UTRN: variants seen among roughly 807,000 people sequenced by gnomAD.
UTRN encodes the protein utrophin.
A neutral mutation model predicts 463.9 loss-of-function variants in UTRN; 283 were observed. The observed-to-expected ratio is 0.61, with a 90% CI of 0.55 to 0.67. UTRN has a LOEUF of 0.67. Ranked by LOEUF, UTRN falls within the 30% of genes least tolerant of loss-of-function variation. The probability of loss-of-function intolerance (pLI) is 0.00; values close to 1 mark genes in which losing one functional copy is unlikely to be tolerated. For missense variants in UTRN, 3,922 were observed against 4,084.3 expected (o/e 0.96, Z 1.08); for synonymous variants, 1,442 against 1,431.5 (o/e 1.01, Z -0.17).
At chr6:144,341,772 A>G (rs1464583045) in intron 2 of UTRN, among the ~76,000 whole-genome samples, 1 of 152,242 alleles carries the variant, frequency 6.6e-6, no homozygotes, top group Non-Finnish European at 1.5e-5. Flanking sequence ...TCATTTCCTT[A>G]CCAGTTTTCA....
At chr6:144,707,224 T>G (rs1346866469) in intron 53 of UTRN, among the ~76,000 whole-genome samples, 28 of 152,182 alleles carry the variant, frequency 1.8e-4, no homozygotes, top group Admixed American at 1.8e-3. Flanking sequence ...ATCTAAGATT[T>G]TTTTCACCCC....
At chr6:144,384,494 C>T (rs1222502827) in intron 2 of UTRN, among the ~76,000 whole-genome samples, 3 of 152,126 alleles carry the variant, frequency 2.0e-5, no homozygotes, top group African/African-American at 7.2e-5. Flanking sequence ...CTGCCCCGCC[C>T]ATGGAAAAAT....
chr6:144,537,227 G>C (rs995967033), intron 43 of UTRN, among the ~76,000 whole-genome samples: 1 of 151,932 alleles, frequency 6.6e-6, no homozygotes, highest in Admixed American at 6.6e-5. Context: ...TATTATTTTA[G>C]ATAAAGACAT....
intron 14 of UTRN, 53 bp downstream of exon 14, chr6:144,444,435 C>G: frequency 1.4e-6 from 2 of 1,380,372 alleles, no homozygotes; most frequent in Non-Finnish European, 9.9e-7. Context: ...AGTAACCCAT[C>G]TTTTATTGTG....
At chr6:144,550,291 G>A (rs960367590) in intron 47 of UTRN, among the ~76,000 whole-genome samples, 2 of 152,134 alleles carry the variant, frequency 1.3e-5, no homozygotes, top group Non-Finnish European at 1.5e-5. Context: ...TCTACAAAAC[G>A]GGTGAATTTG....
chr6:144,477,800 T>G (rs1791391899), intron 25 of UTRN, among the ~76,000 whole-genome samples: 1 of 152,156 alleles, frequency 6.6e-6, no homozygotes, highest in South Asian at 2.1e-4. Context: ...ACTGGGGTTT[T>G]TGAGGAAATA....
chr6:144,511,653 A>C (rs1381869658), intron 35 of UTRN, among the ~76,000 whole-genome samples: 2 of 152,198 alleles, frequency 1.3e-5, no homozygotes, highest in Admixed American at 6.5e-5. Context: ...AGCCTTAAAC[A>C]TGTAGTGCTC....
intron 23 of UTRN, among the ~76,000 whole-genome samples, chr6:144,466,052 A>C (rs1234676042): frequency 6.6e-6 from 1 of 152,256 alleles, no homozygotes. Context: ...AGCTAATATT[A>C]ACAGTGGATC....
chr6:144,768,961 T>TG lies in UTRN; in HGVS notation c.8496-2946_8496-2945insG, dbSNP rs201902444. Among the ~76,000 whole-genome samples, 127 of 150,564 alleles carry TG rather than the reference T, an allele frequency of 8.4e-4. 1 individual carries two copies. The East Asian group carries it at 0.019, about 23-fold the overall frequency. On this transcript the variant is annotated intron_variant, in intron 58 of 74. Transcript: ENST00000367545. ...ACTTTGTTTTTTGTTTTGTTTTGTT[T>TG]TTTTTTTTTTAATTTTATTCTTGGA...
intron 25 of UTRN, 28 bp from the exon 26 acceptor site, chr6:144,479,784 A>C: frequency 6.3e-7 from 1 of 1,597,596 alleles, no homozygotes; most frequent in Non-Finnish European, 8.5e-7. Flanking sequence ...ACATTTGTTT[A>C]TTTGGGGGAA....
intron 51 of UTRN, among the ~76,000 whole-genome samples, chr6:144,638,264 A>G (rs1777393182): frequency 6.6e-6 from 1 of 152,238 alleles, no homozygotes; most frequent in South Asian, 2.1e-4. Flanking sequence ...AGTGCTCATT[A>G]TACTCGGAAG....
chr6:144,319,499 A>C (rs75804266), intron 2 of UTRN, among the ~76,000 whole-genome samples: 1 of 152,182 alleles, frequency 6.6e-6, no homozygotes, highest in African/African-American at 2.4e-5. Context: ...AGCCTAGTAC[A>C]TTTTCTGGTA....
At chr6:144,775,197 T>G (rs1219655268) in intron 60 of UTRN, among the ~76,000 whole-genome samples, 1 of 152,186 alleles carries the variant, frequency 6.6e-6, no homozygotes. Flanking sequence ...TGAAAAATGA[T>G]ATGTTAAGGT....
chr6:144,791,000 C>T lies in UTRN; in HGVS notation c.8920+1721C>T, dbSNP rs565547078. On this transcript the variant is annotated intron_variant, in intron 62 of 74. Coordinates refer to ENST00000367545, the MANE Select transcript of UTRN (RefSeq NM_007124.3). ...TGAAATTTCTGATATTTAATTGAATCCAGGAAGTATGCCATTTTAGAACTA... is the reference window on the plus strand; with the variant it reads ...TGAAATTTCTGATATTTAATTGAATTCAGGAAGTATGCCATTTTAGAACTA... Among the ~76,000 whole-genome samples the T allele has an allele frequency of 5.9e-3, 892 of 152,248 alleles. 6 individuals carry two copies. The highest frequency in any genetic ancestry group is 0.019 in the African/African-American group (772 of 41,558).
At chr6:144,591,140 T>A (rs1325461018) in intron 51 of UTRN, among the ~76,000 whole-genome samples, 2 of 152,148 alleles carry the variant, frequency 1.3e-5, no homozygotes, top group Non-Finnish European at 2.9e-5. Context: ...ATCTCTGAAG[T>A]AACCCTTACA....
At chr6:144,355,661 T>G (rs1190260266) in intron 2 of UTRN, among the ~76,000 whole-genome samples, 1 of 152,202 alleles carries the variant, frequency 6.6e-6, no homozygotes, top group Non-Finnish European at 1.5e-5. Context: ...TAGAATAATT[T>G]TACATTTATA....
At chr6:144,457,757 C>A (rs1370070552) in intron 19 of UTRN, among the ~76,000 whole-genome samples, 1 of 152,158 alleles carries the variant, frequency 6.6e-6, no homozygotes, top group African/African-American at 2.4e-5. Flanking sequence ...GTTGCATTGT[C>A]TGTGGATCAT....
At chr6:144,596,350 A>C (rs1198765639) in intron 51 of UTRN, among the ~76,000 whole-genome samples, 7 of 152,204 alleles carry the variant, frequency 4.6e-5, no homozygotes, top group Non-Finnish European at 8.8e-5. Flanking sequence ...GTGAGAGTAG[A>C]GTTTTCCTGT....
chr6:144,396,630 G>C (rs1007206906), intron 2 of UTRN, among the ~76,000 whole-genome samples: 2 of 152,200 alleles, frequency 1.3e-5, no homozygotes, highest in Admixed American at 1.3e-4. Flanking sequence ...ATTTAAATGG[G>C]TAAATTGTAT....
Sources: allele counts gnomAD v4.1 joint callset (sites outside exome capture counted in the v4.1 genomes callset), GRCh38; gene constraint gnomAD v4.1.1; transcripts MANE v1.5; gene names NCBI Gene and HGNC (gene_info 2026-07-23, HGNC 2026-07-21).